Variants in TEX2 observed in about 807,000 individuals in gnomAD.
The protein encoded by TEX2 is testis-expressed protein 2.
In TEX2, 53 loss-of-function variants were observed where a neutral mutation model predicts 106.9. That is an observed-to-expected ratio of 0.50 (90% CI 0.40 to 0.62). TEX2 has a LOEUF of 0.62. Among genes scored for constraint, TEX2 ranks in the 20% least tolerant of loss-of-function variants. The probability of loss-of-function intolerance (pLI) is 0.00; values close to 1 mark genes in which losing one functional copy is unlikely to be tolerated. For synonymous variants in TEX2, 523 were observed against 534.8 expected (o/e 0.98, Z 0.30); for missense variants, 1,207 against 1,379.0 (o/e 0.88, Z 1.98).
chr17:64,241,607 C>T (rs1383775961), intron 1 of TEX2, among the ~76,000 whole-genome samples: 1 of 152,128 alleles, frequency 6.6e-6, no homozygotes, highest in Non-Finnish European at 1.5e-5. Context: ...AGTGGGGCCT[C>T]CTCATCCCTT....
At position 64,183,273 on chromosome 17, in the gene TEX2, A is replaced by G. The variant is rs527383564; in HGVS notation, c.2424+4895T>C. ...TTTGTGTACAAGTGTTTGTGTAAAC[A>G]TGTATTTTCATTTCTCTTGGATATA... On this transcript the variant is annotated intron_variant, in intron 5 of 11. Transcript: ENST00000584379. Among the ~76,000 whole-genome samples, 12 of 152,314 alleles carry G rather than the reference A, an allele frequency of 7.9e-5. No homozygotes were observed. The South Asian group carries it at 1.2e-3, about 16-fold the overall frequency.
At chr17:64,190,782 C>T (rs1015535769) in intron 4 of TEX2, among the ~76,000 whole-genome samples, 5 of 152,208 alleles carry the variant, frequency 3.3e-5, no homozygotes, top group African/African-American at 1.2e-4. Flanking sequence ...TCAGCCCCAC[C>T]CATGACCTCG....
At chr17:64,194,048 T>G (rs2032386792) in intron 3 of TEX2, among the ~76,000 whole-genome samples, 159 bp from the exon 4 acceptor site, 1 of 152,222 alleles carries the variant, frequency 6.6e-6, no homozygotes. Flanking sequence ...CTACAGAAAC[T>G]GGAATTTTCA....
intron 6 of TEX2, among the ~76,000 whole-genome samples, chr17:64,172,314 C>T (rs1286445551): frequency 4.0e-5 from 6 of 149,656 alleles, no homozygotes; most frequent in Non-Finnish European, 8.9e-5. Flanking sequence ...GATCGCACCA[C>T]TGCACTCCAG....
chr17:64,214,945 T>A (rs2033140290), intron 1 of TEX2, among the ~76,000 whole-genome samples: 1 of 152,216 alleles, frequency 6.6e-6, no homozygotes, highest in East Asian at 1.9e-4. Flanking sequence ...AAAGCAAACA[T>A]ATTTTAAACT....
intron 1 of TEX2, among the ~76,000 whole-genome samples, chr17:64,242,905 C>T (rs1374940709): frequency 1.3e-5 from 2 of 151,272 alleles, no homozygotes; most frequent in African/African-American, 2.4e-5. Flanking sequence ...GGCAACATAA[C>T]GAGATCCCAT....
At chr17:64,225,045 C>G (rs1051255696) in intron 1 of TEX2, among the ~76,000 whole-genome samples, 4 of 151,794 alleles carry the variant, frequency 2.6e-5, no homozygotes, top group Admixed American at 6.6e-5. Context: ...TAACTCAGGA[C>G]AGGTGTGTCC....
At chr17:64,163,382 C>T (rs1449270369) in intron 7 of TEX2, among the ~76,000 whole-genome samples, 1 of 152,114 alleles carries the variant, frequency 6.6e-6, no homozygotes, top group Non-Finnish European at 1.5e-5. Flanking sequence ...GATCCACCTG[C>T]CTTGGCCTCC....
chr17:64,230,564 G>A (rs1157962439), intron 1 of TEX2: 1 of 152,242 alleles, frequency 6.6e-6, no homozygotes, highest in Non-Finnish European at 1.5e-5. Context: ...TTGGGATTCA[G>A]ACAATTGTTC....
At chr17:64,154,169 C>A (rs375875250) in intron 9 of TEX2, among the ~76,000 whole-genome samples, 1 of 152,226 alleles carries the variant, frequency 6.6e-6, no homozygotes, top group African/African-American at 2.4e-5. Flanking sequence ...TTGGCACCAA[C>A]TCCTCAAACA....
chr17:64,167,647 C>T lies in TEX2; in HGVS notation c.2671+3453G>A, dbSNP rs374813823. Among the ~76,000 whole-genome samples the T allele has an allele frequency of 3.1e-4, 47 of 152,080 alleles. No homozygotes were observed. The East Asian group carries it at 8.1e-3, about 26-fold the overall frequency. Reference sequence around the variant, plus strand: ...CAGACTGGCCAACAGGGAGAAACCCCCTCTCTACTAAAAATATAAAAATTA... The same window carrying T: ...CAGACTGGCCAACAGGGAGAAACCCTCTCTCTACTAAAAATATAAAAATTA... On this transcript the variant is annotated intron_variant, in intron 7 of 11. Transcript: ENST00000584379.
chr17:64,182,836 T>C (rs2031931767), intron 5 of TEX2, among the ~76,000 whole-genome samples: 2 of 152,140 alleles, frequency 1.3e-5, no homozygotes, highest in Admixed American at 6.5e-5. Flanking sequence ...AATAATATTA[T>C]CATCTATGCA....
chr17:64,154,906 A>T lies in TEX2; in HGVS notation c.2866T>A (p.Ser956Thr). The change falls in exon 9 of 12, where the codon TCC becomes ACC. Residue 956 changes from serine (S) to threonine (T), a missense_variant. Ser to Thr is a moderately conservative substitution (Grantham distance 58). This residue lies in a region of TEX2 where 1,067 missense variants were observed against 1,193.6 expected (regional missense o/e 0.89). Transcript: ENST00000584379. ...SDEESSSAGS[S>T]EEDDAPEPSG... ...GGCTCTGGGGCATCGTCTTCCTCGGAGGAGCCAGCGCTGGAGGATTCCTCA... is the reference window on the plus strand; with the variant it reads ...GGCTCTGGGGCATCGTCTTCCTCGGTGGAGCCAGCGCTGGAGGATTCCTCA... The T allele has an allele frequency of 6.2e-7, 1 of 1,610,030 alleles. No individual in the cohort carries two copies. Among genetic ancestry groups the T allele is most frequent in the South Asian group, 1.1e-5 (1 of 90,554 alleles).
chr17:64,256,050 G>A (rs2034178138), intron 1 of TEX2: 1 of 152,302 alleles, frequency 6.6e-6, no homozygotes, highest in Non-Finnish European at 1.5e-5. Context: ...TACGGGTGCT[G>A]AATGCTTAGC....
chr17:64,236,589 T>C (rs1199775038), intron 1 of TEX2, among the ~76,000 whole-genome samples: 1 of 152,204 alleles, frequency 6.6e-6, no homozygotes, highest in Non-Finnish European at 1.5e-5. Context: ...GCATAAGTTA[T>C]ATGCAAATAT....
In TEX2 at chr17:64,148,694, T is replaced by C. The variant is rs116168302; in HGVS notation, c.*275A>G. 1.9e-3 allele frequency: 700 copies of C among 376,900 alleles called. 10 individuals are homozygous for C. The highest frequency in any genetic ancestry group is 0.013 in the African/African-American group (640 of 47,932). The allele number at this position is 376,900 out of a possible 1,614,324, so 23.3% of individuals were successfully genotyped here. A position where few individuals can be genotyped will look rare whatever the true frequency, so the allele number is the denominator to read the frequency against. On this transcript the variant is annotated 3_prime_UTR_variant, in exon 12 of 12. Transcript: ENST00000584379. Reference sequence around the variant, plus strand: ...AACATGGGTAGACTTTTAAAAGCCATGGTGTGGGTCACGTATAACTTCTGG... The same window carrying C: ...AACATGGGTAGACTTTTAAAAGCCACGGTGTGGGTCACGTATAACTTCTGG...
At chr17:64,221,895 C>T (rs1413061919) in intron 1 of TEX2, among the ~76,000 whole-genome samples, 5 of 152,098 alleles carry the variant, frequency 3.3e-5, no homozygotes, top group African/African-American at 9.7e-5. Flanking sequence ...ATTATGCTAA[C>T]GAAATAAGCT....
Position 64,185,832 on chromosome 17 carries a change from G to C in TEX2, c.2424+2336C>G, listed in dbSNP as rs956683207. Among the ~76,000 whole-genome samples the C allele has an allele frequency of 2.0e-5, 3 of 152,116 alleles. No homozygotes were observed. The highest frequency in any genetic ancestry group is 7.2e-5 in the African/African-American group (3 of 41,404). The stretch of plus-strand genomic sequence containing the variant: ...GGCTACTCAGGAGGCTGAGGCAGAA[G>C]AATTGCTTGAACCTGGGAGGCGGAG... On this transcript the variant is annotated intron_variant, in intron 5 of 11. Coordinates refer to ENST00000584379, the MANE Select transcript of TEX2 (RefSeq NM_001288732.2). The surrounding 1 kb of genome is among the most constrained non-coding windows in gnomAD (Gnocchi z 4.0).
At chr17:64,207,057 T>C (rs571129189) in intron 2 of TEX2, among the ~76,000 whole-genome samples, 7 of 152,346 alleles carry the variant, frequency 4.6e-5, no homozygotes, top group African/African-American at 1.7e-4. Context: ...TAAATACATA[T>C]GTCTGCAGTG....
Sources: gnomAD v4.1 joint callset for allele counts (sites outside exome capture counted in the v4.1 genomes callset) on GRCh38, gnomAD v4.1.1 for gene constraint, gnomAD v4.1.1 regional missense constraint, Gnocchi (gnomAD v3.1) non-coding constraint, MANE v1.5 for transcripts, NCBI Gene and HGNC (gene_info 2026-07-23, HGNC 2026-07-21) for gene names.